Variants in FAM114A2 observed in about 807,000 individuals in gnomAD.
FAM114A2 encodes the protein family with sequence similarity 114 member A2.
A neutral mutation model predicts 58.4 loss-of-function variants in FAM114A2; 53 were observed. That is an observed-to-expected ratio of 0.91 (90% confidence interval 0.73 to 1.14). The LOEUF (loss-of-function observed/expected upper bound fraction) is 1.14. FAM114A2 is among the 50% of genes most tolerant of loss of function. The probability of loss-of-function intolerance (pLI) is 0.00; values close to 1 mark genes in which losing one functional copy is unlikely to be tolerated. For synonymous variants in FAM114A2, 228 were observed against 211.4 expected (o/e 1.08, Z -0.68); for missense variants, 601 against 581.1 (o/e 1.03, Z -0.35).
At chr5:154,000,136 T>C (rs921758782) in intron 11 of FAM114A2, among the ~76,000 whole-genome samples, 2 of 151,938 alleles carry the variant, frequency 1.3e-5, no homozygotes, top group African/African-American at 4.8e-5. Context: ...ATGTGGGAGC[T>C]AAAAAAACAT....
At chr5:154,027,021 A>C (rs185307749) in intron 7 of FAM114A2, among the ~76,000 whole-genome samples, 155 bp downstream of exon 7, 114 of 152,332 alleles carry the variant, frequency 7.5e-4, no homozygotes, top group African/African-American at 2.6e-3. Context: ...ATCAAACATT[A>C]GTTTTTAAAT....
At chr5:154,003,163 T>C (rs1290577603) in intron 9 of FAM114A2, among the ~76,000 whole-genome samples, 194 bp from the exon 10 acceptor site, 1 of 151,884 alleles carries the variant, frequency 6.6e-6, no homozygotes, top group African/African-American at 2.4e-5. Context: ...CTTTTCAAAA[T>C]TCTCTAATTG....
At chr5:154,035,593 G>C (rs563270151) in intron 1 of FAM114A2, among the ~76,000 whole-genome samples, 2 of 152,256 alleles carry the variant, frequency 1.3e-5, no homozygotes, top group African/African-American at 4.8e-5. Flanking sequence ...ATCCATCGAA[G>C]GATATCTGTA....
intron 9 of FAM114A2, among the ~76,000 whole-genome samples, chr5:154,009,323 G>A (rs1335626081): frequency 6.6e-6 from 1 of 151,866 alleles, no homozygotes; most frequent in East Asian, 1.9e-4. Flanking sequence ...AAATAATTAA[G>A]GACAGTGATG....
intron 4 of FAM114A2, among the ~76,000 whole-genome samples, 176 bp downstream of exon 4, chr5:154,033,615 T>C (rs1194641886): frequency 2.0e-5 from 3 of 152,232 alleles, no homozygotes; most frequent in Non-Finnish European, 4.4e-5. Context: ...AAGGGACACA[T>C]AAGCAGTTAA....
At chr5:154,006,179 T>C (rs539826294) in intron 9 of FAM114A2, among the ~76,000 whole-genome samples, 121 of 152,238 alleles carry the variant, frequency 7.9e-4, no homozygotes, top group African/African-American at 2.7e-3. Flanking sequence ...GACCAAAATA[T>C]AGGATACTGG....
chr5:153,996,363 G>GGGCC (rs1259738533), intron 12 of FAM114A2, among the ~76,000 whole-genome samples: 10 of 152,022 alleles, frequency 6.6e-5, no homozygotes, highest in Non-Finnish European at 1.3e-4. Context: ...GCATGAAGCA[G>GGGCC]GGCCCCCTAC....
chr5:154,024,788 T>C (rs1445671732), intron 8 of FAM114A2, among the ~76,000 whole-genome samples: 1 of 152,196 alleles, frequency 6.6e-6, no homozygotes. Flanking sequence ...AAAATATTGG[T>C]TCTCTGAGTT....
At chr5:154,025,575 C>T (rs865848587) in intron 8 of FAM114A2, among the ~76,000 whole-genome samples, 2 of 152,148 alleles carry the variant, frequency 1.3e-5, no homozygotes, top group Non-Finnish European at 1.5e-5. Flanking sequence ...CTGATTTAAC[C>T]TACTACATGG....
At chr5:153,999,632 CAAA>C (rs982121320) in intron 11 of FAM114A2, among the ~76,000 whole-genome samples, 3 of 71,636 alleles carry the variant, frequency 4.2e-5, no homozygotes, top group Non-Finnish European at 5.6e-5. Context: ...GACTCCATCT[CAAA>C]AAAAAAAAAA....
chr5:154,027,917 C>T (rs970207872), intron 6 of FAM114A2, among the ~76,000 whole-genome samples: 3 of 152,108 alleles, frequency 2.0e-5, no homozygotes, highest in African/African-American at 7.2e-5. Context: ...CAGGGTTTAG[C>T]ATTTTGCACT....
rs759717974 is a variant in FAM114A2 at position 154,028,280 on chromosome 5, T to TTCCCTAGA, written c.496-5_498dup (p.Lys167SerfsTer7). 3 of 1,591,482 alleles carry TTCCCTAGA rather than the reference T, an allele frequency of 1.9e-6. No individual in the cohort carries two copies. The highest frequency in any genetic ancestry group is 1.7e-5 in the Admixed American group (1 of 57,990). On this transcript the variant is annotated frameshift_variant, in exon 6 of 14. Coordinates refer to ENST00000351797, the MANE Select transcript of FAM114A2 (RefSeq NM_018691.4). LOFTEE classifies it high-confidence loss of function. The stretch of plus-strand genomic sequence containing the variant: ...TCCAAACCCCCACTTATAACACTCT[T>TTCCCTAGA]TCCCTAGAAAATACATGCAACCTCA...
At chr5:154,035,177 C>T (rs1305746080) in intron 1 of FAM114A2, among the ~76,000 whole-genome samples, 1 of 152,170 alleles carries the variant, frequency 6.6e-6, no homozygotes, top group Admixed American at 6.5e-5. Context: ...ATGCAATCCA[C>T]TGATCTCATT....
intron 9 of FAM114A2, among the ~76,000 whole-genome samples, chr5:154,006,833 G>A (rs563258333): frequency 5.3e-4 from 74 of 138,888 alleles, no homozygotes; most frequent in African/African-American, 1.7e-3. Flanking sequence ...GTCTCACTCT[G>A]TCGCCCAAGC....
At chr5:154,004,624 C>A (rs1198303411) in intron 9 of FAM114A2, among the ~76,000 whole-genome samples, 3 of 152,162 alleles carry the variant, frequency 2.0e-5, no homozygotes, top group Admixed American at 2.0e-4. Context: ...CACCAGGTAC[C>A]AGTTACCTGA....
intron 9 of FAM114A2, among the ~76,000 whole-genome samples, chr5:154,006,634 A>G (rs1455839436): frequency 6.6e-6 from 1 of 152,222 alleles, no homozygotes; most frequent in Non-Finnish European, 1.5e-5. Flanking sequence ...CAGTTGACTA[A>G]TAATACAAAC....
chr5:154,012,043 C>T (rs780751018), intron 8 of FAM114A2, among the ~76,000 whole-genome samples: 3 of 151,986 alleles, frequency 2.0e-5, no homozygotes, highest in African/African-American at 4.8e-5. Flanking sequence ...AGAAAGATCA[C>T]TTTGGTGGCT....
intron 1 of FAM114A2, among the ~76,000 whole-genome samples, chr5:154,037,934 G>C (rs922521034): frequency 3.9e-5 from 6 of 151,998 alleles, no homozygotes; most frequent in Non-Finnish European, 8.8e-5. Flanking sequence ...TAAGCCAGAA[G>C]AGAATTTTTT....
At chr5:154,006,072 A>T (rs1322820290) in intron 9 of FAM114A2, among the ~76,000 whole-genome samples, 12 of 152,302 alleles carry the variant, frequency 7.9e-5, no homozygotes, top group Non-Finnish European at 2.9e-5. Context: ...TTAAGCATTA[A>T]CCTCTCAAAT....
Sources: allele counts gnomAD v4.1 joint callset (sites outside exome capture counted in the v4.1 genomes callset), GRCh38; gene constraint gnomAD v4.1.1; transcripts MANE v1.5; gene names NCBI Gene and HGNC (gene_info 2026-07-23, HGNC 2026-07-21).